The following SPSB4 variants were observed in gnomAD, a reference collection of about 807,000 sequenced individuals.
SPSB4 encodes SPRY domain-containing SOCS box protein 4.
Under a neutral mutation model 20.9 loss-of-function variants are expected in SPSB4, and 21 were observed. The observed-to-expected ratio is 1.01, with a 90% CI of 0.71 to 1.45. The LOEUF (loss-of-function observed/expected upper bound fraction) is 1.45, where lower values mean the gene tolerates loss of function less well. Ranked by LOEUF, SPSB4 falls within the 40% of genes most tolerant of loss-of-function variation. The probability of loss-of-function intolerance (pLI) is 0.00; values close to 1 mark genes in which losing one functional copy is unlikely to be tolerated. For missense variants in SPSB4, 399 were observed against 399.2 expected (o/e 1.00, Z 0.00); for synonymous variants, 207 against 183.8 (o/e 1.13, Z -1.02).
intron 2 of SPSB4, among the ~76,000 whole-genome samples, chr3:141,115,751 T>G (rs941598607): frequency 6.6e-6 from 1 of 152,256 alleles, no homozygotes; most frequent in African/African-American, 2.4e-5. Flanking sequence ...AAAACATTTA[T>G]TTCAGACTTC....
intron 2 of SPSB4, among the ~76,000 whole-genome samples, chr3:141,130,559 C>G (rs891024762): frequency 2.0e-5 from 3 of 152,228 alleles, no homozygotes. Flanking sequence ...TCTAAAATTA[C>G]AAGAGAATTT....
chr3:141,119,923 G>A (rs531125645), intron 2 of SPSB4, among the ~76,000 whole-genome samples: 19 of 151,992 alleles, frequency 1.3e-4, no homozygotes, highest in African/African-American at 4.6e-4. Context: ...CTTCAGTTCT[G>A]CTCTGATCTT....
chr3:141,144,475 A>G (rs975311382), intron 2 of SPSB4, among the ~76,000 whole-genome samples: 2 of 152,260 alleles, frequency 1.3e-5, no homozygotes, highest in African/African-American at 4.8e-5. Flanking sequence ...AAAGCCTCAA[A>G]GCCAGGAGAG....
In SPSB4 at chr3:141,125,237, T is replaced by C. The variant is rs1427613196; in HGVS notation, c.695-21905T>C. ...CCTCTAACTTTCACAGGTATGACTTTGGTTGTAAGCAGTTGAGCAGAGCGA... is the reference window on the plus strand; with the variant it reads ...CCTCTAACTTTCACAGGTATGACTTCGGTTGTAAGCAGTTGAGCAGAGCGA... On this transcript the variant is annotated intron_variant, in intron 2 of 2. Transcript: ENST00000310546. Among the ~76,000 whole-genome samples, 4 of 152,178 alleles carry C rather than the reference T, an allele frequency of 2.6e-5. No individual in the cohort carries two copies. The East Asian group carries it at 7.7e-4, about 29-fold the overall frequency.
At chr3:141,098,611 G>C (rs1359092099) in intron 2 of SPSB4, among the ~76,000 whole-genome samples, 1 of 152,020 alleles carries the variant, frequency 6.6e-6, no homozygotes, top group Non-Finnish European at 1.5e-5. Flanking sequence ...ATGATTTTTT[G>C]TTACCAATTT....
At chr3:141,074,653 C>T (rs950485431) in intron 2 of SPSB4, among the ~76,000 whole-genome samples, 4 of 152,192 alleles carry the variant, frequency 2.6e-5, no homozygotes, top group African/African-American at 9.7e-5. Flanking sequence ...TCTAAAAGGC[C>T]GCAGCTCCCC....
At chr3:141,094,322 T>A (rs73872056) in intron 2 of SPSB4, among the ~76,000 whole-genome samples, 1 of 152,200 alleles carries the variant, frequency 6.6e-6, no homozygotes, top group Non-Finnish European at 1.5e-5. Flanking sequence ...ACTTGGTGAA[T>A]GAATGAGTCA....
At position 141,131,208 on chromosome 3, in the gene SPSB4, C is replaced by T. The variant is rs555644697; in HGVS notation, c.695-15934C>T. Among the ~76,000 whole-genome samples the T allele has an allele frequency of 4.9e-4, 74 of 152,132 alleles. 1 individual carries two copies. Among genetic ancestry groups the T allele is most frequent in the Non-Finnish European group, 8.1e-4 (55 of 67,986 alleles). On this transcript the variant is annotated intron_variant, in intron 2 of 2. Transcript: ENST00000310546. ...TAAAAATGTGGAGCCACATTTTTCTCCTCTATTAAATGGGTGTTGGGAGCA... is the reference window on the plus strand; with the variant it reads ...TAAAAATGTGGAGCCACATTTTTCTTCTCTATTAAATGGGTGTTGGGAGCA...
At position 141,117,879 on chromosome 3, in the gene SPSB4, A is replaced by G. The variant is rs184619799; in HGVS notation, c.695-29263A>G. Among the ~76,000 whole-genome samples the G allele has an allele frequency of 1.8e-4, 27 of 152,348 alleles. No individual in the cohort carries two copies. In the East Asian group the frequency reaches 4.2e-3, roughly 24 times the overall value. On this transcript the variant is annotated intron_variant, in intron 2 of 2. Coordinates refer to ENST00000310546, the MANE Select transcript of SPSB4 (RefSeq NM_080862.3). ...TAGTATTCCATGGTGTATATGTGCC[A>G]TATGTTCTTAATCCAGTCTATCATT... is the stretch of plus-strand genomic sequence containing the variant.
At chr3:141,077,171 C>T (rs933860023) in intron 2 of SPSB4, 6 of 152,374 alleles carry the variant, frequency 3.9e-5, no homozygotes, top group Middle Eastern at 3.4e-3. Context: ...GGCCCTTCTT[C>T]GTCAGATCTT....
chr3:141,057,554 T>C (rs549360992), intron 1 of SPSB4, among the ~76,000 whole-genome samples: 1 of 152,318 alleles, frequency 6.6e-6, no homozygotes, highest in East Asian at 1.9e-4. Flanking sequence ...GCCAGGTCCA[T>C]GGGGACTCTG....
At chr3:141,102,602 C>T (rs571083051) in intron 2 of SPSB4, among the ~76,000 whole-genome samples, 2 of 151,990 alleles carry the variant, frequency 1.3e-5, no homozygotes, top group Non-Finnish European at 2.9e-5. Flanking sequence ...GGGAGGCTGG[C>T]ACAATTTAAG....
At chr3:141,140,148 C>T (rs914798362) in intron 2 of SPSB4, among the ~76,000 whole-genome samples, 14 of 152,138 alleles carry the variant, frequency 9.2e-5, no homozygotes, top group Non-Finnish European at 1.8e-4. Flanking sequence ...CTTGTGCATT[C>T]GTCACGTGGT....
chr3:141,086,493 A>T (rs1054836986), intron 2 of SPSB4, among the ~76,000 whole-genome samples: 26 of 152,338 alleles, frequency 1.7e-4, no homozygotes, highest in African/African-American at 6.0e-4. Context: ...AGGCCTGTAC[A>T]TATGACATAT....
rs141926899 is a variant in SPSB4, at chr3:141,102,382, T to C, written c.694+35584T>C. On this transcript the variant is annotated intron_variant, in intron 2 of 2. Coordinates refer to ENST00000310546, the MANE Select transcript of SPSB4 (RefSeq NM_080862.3). The stretch of plus-strand genomic sequence containing the variant: ...ACAGAAATTAGCCTGTGGTTACTAG[T>C]GTGCAGGGTGGCATGTCGGGAAGGT... 5.0e-4 allele frequency among the ~76,000 whole-genome samples: 76 copies of C among 152,236 alleles called. 1 individual carries two copies. In the East Asian group the frequency reaches 0.015, roughly 29 times the overall value.
chr3:141,095,543 G>C (rs887378778), intron 2 of SPSB4, among the ~76,000 whole-genome samples: 1 of 151,912 alleles, frequency 6.6e-6, no homozygotes, highest in African/African-American at 2.4e-5. Flanking sequence ...GTCCCCCACT[G>C]CCCCAGACAT....
intron 1 of SPSB4, among the ~76,000 whole-genome samples, chr3:141,057,460 G>T (rs1937669631): frequency 6.6e-6 from 1 of 152,180 alleles, no homozygotes; most frequent in Admixed American, 6.5e-5. Flanking sequence ...CTTAAGTGTT[G>T]GTTCTTTCTA....
chr3:141,125,817 G>T (rs971685237), intron 2 of SPSB4, among the ~76,000 whole-genome samples: 2 of 152,212 alleles, frequency 1.3e-5, no homozygotes, highest in Non-Finnish European at 2.9e-5. Flanking sequence ...AGTTGACTTT[G>T]TGACTTGGTT....
At chr3:141,116,498 A>C (rs1938881708) in intron 2 of SPSB4, among the ~76,000 whole-genome samples, 1 of 152,194 alleles carries the variant, frequency 6.6e-6, no homozygotes, top group Non-Finnish European at 1.5e-5. Context: ...AGTGACCATC[A>C]TCCCACTTCT....
Sources: allele counts gnomAD v4.1 joint callset (sites outside exome capture counted in the v4.1 genomes callset), GRCh38; gene constraint gnomAD v4.1.1; transcripts MANE v1.5; gene names NCBI Gene and HGNC (gene_info 2026-07-23, HGNC 2026-07-21).